RSPH14: variants seen among roughly 807,000 people sequenced by gnomAD.
The protein encoded by RSPH14 is rhabdoid tumor deletion region gene 1.
A neutral mutation model predicts 26.7 loss-of-function variants in RSPH14; 20 were observed. The observed-to-expected ratio is 0.75, with a 90% CI of 0.53 to 1.09. RSPH14 has a LOEUF of 1.09. Ranked by LOEUF, RSPH14 falls within the 50% of genes least tolerant of loss-of-function variation. RSPH14 has a pLI of 0.00. For synonymous variants in RSPH14, 177 were observed against 189.3 expected (o/e 0.93, Z 0.53); for missense variants, 449 against 457.2 (o/e 0.98, Z 0.16).
chr22:23,151,045 C>G, the RSPH14 span, among the ~76,000 whole-genome samples: 1 of 152,216 alleles, frequency 6.6e-6, no homozygotes, highest in Non-Finnish European at 1.5e-5. Flanking sequence ...TGCTTTTGCC[C>G]CTCTTCCTAA....
At chr22:23,077,124 A>G (rs1489201738) in intron 4 of RSPH14, among the ~76,000 whole-genome samples, 2 of 152,172 alleles carry the variant, frequency 1.3e-5, no homozygotes, top group African/African-American at 4.8e-5. Flanking sequence ...GGGAGGCAGG[A>G]TTTAGATGAG....
intron 4 of RSPH14, among the ~76,000 whole-genome samples, chr22:23,064,383 T>C (rs1283412729): frequency 1.3e-5 from 2 of 152,198 alleles, no homozygotes; most frequent in Non-Finnish European, 2.9e-5. Flanking sequence ...ACCAGTCTTT[T>C]GTCGCCTGTG....
intron 4 of RSPH14, among the ~76,000 whole-genome samples, chr22:23,100,241 C>T (rs1369956514): frequency 1.3e-5 from 2 of 152,272 alleles, no homozygotes; most frequent in East Asian, 3.8e-4. Flanking sequence ...TTCCACAAAG[C>T]CTCTGCTACC....
At chr22:23,108,891 T>G (rs991015593) in intron 4 of RSPH14, among the ~76,000 whole-genome samples, 1 of 152,220 alleles carries the variant, frequency 6.6e-6, no homozygotes, top group South Asian at 2.1e-4. Context: ...CATGCTCTTC[T>G]CTGTCCTTCG....
upstream of RSPH14, among the ~76,000 whole-genome samples, chr22:23,147,304 C>T (rs1433234619): frequency 1.3e-5 from 2 of 152,074 alleles, no homozygotes; most frequent in African/African-American, 4.8e-5. Context: ...GAAGATGACC[C>T]TGCCCTCTAA....
At chr22:23,080,063 C>T (rs1208204530) in intron 4 of RSPH14, among the ~76,000 whole-genome samples, 1 of 152,324 alleles carries the variant, frequency 6.6e-6, no homozygotes, top group South Asian at 2.1e-4. Context: ...CCTGGGGCTA[C>T]GGCTCTCTCC....
chr22:23,073,332 C>T (rs1396045726), intron 4 of RSPH14, among the ~76,000 whole-genome samples: 1 of 152,222 alleles, frequency 6.6e-6, no homozygotes, highest in African/African-American at 2.4e-5. Context: ...GTGCAGATGC[C>T]AAGGGTCAGC....
At chr22:23,102,799 A>G (rs2069344589) in intron 4 of RSPH14, among the ~76,000 whole-genome samples, 1 of 152,190 alleles carries the variant, frequency 6.6e-6, no homozygotes, top group Non-Finnish European at 1.5e-5. Context: ...GGCCAACCCC[A>G]TCACTCTGTC....
chr22:23,069,634 C>T (rs1409925362), intron 4 of RSPH14, among the ~76,000 whole-genome samples: 1 of 152,196 alleles, frequency 6.6e-6, no homozygotes, highest in African/African-American at 2.4e-5. Flanking sequence ...CTTCTCCCTT[C>T]CTTCCCTCCC....
the RSPH14 span, among the ~76,000 whole-genome samples, chr22:23,175,002 T>A: frequency 1.1e-5 from 1 of 91,880 alleles, no homozygotes; most frequent in African/African-American, 3.0e-5. Flanking sequence ...AAAAAAAAAT[T>A]TTTTTTTTTT....
At chr22:23,171,014 C>T in the RSPH14 span, among the ~76,000 whole-genome samples, 2 of 151,960 alleles carry the variant, frequency 1.3e-5, no homozygotes, top group Non-Finnish European at 2.9e-5. Flanking sequence ...TGTCCCCAGG[C>T]TGGAGTGCAG....
At chr22:23,171,974 C>T in the RSPH14 span, among the ~76,000 whole-genome samples, 1 of 151,864 alleles carries the variant, frequency 6.6e-6, no homozygotes, top group African/African-American at 2.4e-5. Context: ...ACCTGGTTAC[C>T]AGGAAGAAGA....
chr22:23,154,599 C>T, the RSPH14 span, among the ~76,000 whole-genome samples: 46 of 152,276 alleles, frequency 3.0e-4, no homozygotes, highest in Non-Finnish European at 5.7e-4. Flanking sequence ...TGGGCTCACC[C>T]GTGTGACCAC....
upstream of RSPH14, among the ~76,000 whole-genome samples, chr22:23,146,293 TG>T (rs2070766168): frequency 6.6e-6 from 1 of 152,122 alleles, no homozygotes. Flanking sequence ...ACTGCACCCT[TG>T]ACCTCCCAGG....
intron 4 of RSPH14, among the ~76,000 whole-genome samples, chr22:23,122,054 A>G (rs1272854918): frequency 6.6e-6 from 1 of 152,212 alleles, no homozygotes; most frequent in East Asian, 1.9e-4. Context: ...AATCCAAAGC[A>G]TCAGATCTAA....
intron 4 of RSPH14, among the ~76,000 whole-genome samples, chr22:23,128,321 G>C (rs1198087827): frequency 6.6e-6 from 1 of 152,212 alleles, no homozygotes; most frequent in African/African-American, 2.4e-5. Flanking sequence ...CTGGCCTCTT[G>C]GTTCCTGGCC....
chr22:23,062,959 C>T (rs1282684023), intron 5 of RSPH14, among the ~76,000 whole-genome samples: 1 of 152,226 alleles, frequency 6.6e-6, no homozygotes, highest in Non-Finnish European at 1.5e-5. Flanking sequence ...GGGCAGCAAA[C>T]AGAGGAAAGC....
the RSPH14 span, among the ~76,000 whole-genome samples, chr22:23,178,514 TCA>T: frequency 2.6e-5 from 4 of 152,076 alleles, no homozygotes; most frequent in Non-Finnish European, 5.9e-5. Flanking sequence ...CATTTGCATC[TCA>T]GTTTCCTCAC....
chr22:23,090,649 C>T, intron 4 of RSPH14, among the ~76,000 whole-genome samples: 1 of 152,156 alleles, frequency 6.6e-6, no homozygotes, highest in Non-Finnish European at 1.5e-5. Flanking sequence ...TCCCTCATCC[C>T]TGATGCCTGC....
Sources: allele counts gnomAD v4.1 joint callset (sites outside exome capture counted in the v4.1 genomes callset), GRCh38; gene constraint gnomAD v4.1.1; transcripts MANE v1.5; gene names NCBI Gene and HGNC (gene_info 2026-07-23, HGNC 2026-07-21).